The following CENPM variants were observed in gnomAD, a reference collection of about 807,000 sequenced individuals.
The protein encoded by CENPM is centromere protein M.
A neutral mutation model predicts 19.6 loss-of-function variants in CENPM; 14 were observed. The ratio of observed to expected loss-of-function variants is 0.71; its 90% CI spans 0.47 to 1.11. The LOEUF is 1.11. Ranked by LOEUF, CENPM falls within the 50% of genes most tolerant of loss-of-function variation. The pLI is 0.00. For missense variants in CENPM, 239 were observed against 228.4 expected (o/e 1.05, Z -0.30); for synonymous variants, 114 against 101.5 (o/e 1.12, Z -0.74).
Position 41,947,104 on chromosome 22 carries a change from T to C in CENPM, c.-28A>G, listed in dbSNP as rs1465825793. 1.2e-6 allele frequency: 2 copies of C among 1,610,626 alleles called. No homozygotes were observed. Among genetic ancestry groups the C allele is most frequent in the Admixed American group, 1.7e-5 (1 of 59,918 alleles). ...CAGCCGCAGGACCAACCGTTGCTCC[T>C]GCGGTGCGCGCCGATCTTTCAAACC... On this transcript the variant is annotated 5_prime_UTR_variant, in exon 1 of 6. Coordinates refer to ENST00000215980, the MANE Select transcript of CENPM (RefSeq NM_024053.5).
In CENPM at chr22:41,945,310, G is replaced by A. The variant is rs752795287; in HGVS notation, c.231-6C>T. 1 of 1,614,052 alleles carries A rather than the reference G, an allele frequency of 6.2e-7. No individual in the cohort carries two copies. The highest frequency in any genetic ancestry group is 8.5e-7 in the Non-Finnish European group (1 of 1,180,010). On this transcript the variant is annotated splice_region_variant and splice_polypyrimidine_tract_variant and intron_variant, in intron 3 of 5. Transcript: ENST00000215980. ...ACTCCTCTGTGTTCTGGAGACTGGGGTGGCCAGGCCAGGGTGAGAAAACAA... is the reference window on the plus strand; with the variant it reads ...ACTCCTCTGTGTTCTGGAGACTGGGATGGCCAGGCCAGGGTGAGAAAACAA...
At chr22:41,933,531 G>A in the CENPM span, among the ~76,000 whole-genome samples, 1 of 152,104 alleles carries the variant, frequency 6.6e-6, no homozygotes, top group African/African-American at 2.4e-5. Flanking sequence ...GCTGCCTCCT[G>A]TGCAGGTCCG....
chr22:41,928,618 T>A, the CENPM span, among the ~76,000 whole-genome samples: 1 of 151,856 alleles, frequency 6.6e-6, no homozygotes, highest in Admixed American at 6.6e-5. The surrounding 1 kb of genome is among the most constrained non-coding windows in gnomAD (Gnocchi z 4.0). Flanking sequence ...GGCGGAGGGC[T>A]GCAGGGGCTA....
chr22:41,936,922 A>G (rs2077686431), downstream of CENPM, among the ~76,000 whole-genome samples: 1 of 151,956 alleles, frequency 6.6e-6, no homozygotes, highest in Non-Finnish European at 1.5e-5. Context: ...GCAAGACTCC[A>G]CACCCCACCA....
downstream of CENPM, among the ~76,000 whole-genome samples, chr22:41,936,874 T>C (rs1303335696): frequency 6.6e-6 from 1 of 151,622 alleles, no homozygotes; most frequent in Non-Finnish European, 1.5e-5. Context: ...CTGCAGTGAG[T>C]TGAGATCACG....
Position 41,938,909 on chromosome 22 carries a change from G to T in CENPM, c.*147C>A. ...TCGCTGCTTCTGCCCAGCTCTCCCT[G>T]CTGCAGCACTGGCACTGCAGGGAAC... On this transcript the variant is annotated 3_prime_UTR_variant, in exon 6 of 6. Coordinates refer to ENST00000215980, the MANE Select transcript of CENPM (RefSeq NM_024053.5). 9.7e-7 allele frequency: 1 copy of T among 1,031,698 alleles called. No individual in the cohort carries two copies. The allele number at this position is 1,031,698 out of a possible 1,614,324, so 63.9% of individuals were successfully genotyped here.
intron 3 of CENPM, 57 bp downstream of exon 3, chr22:41,945,856 G>A: frequency 7.1e-7 from 1 of 1,405,052 alleles, no homozygotes; most frequent in Non-Finnish European, 1.0e-6. Context: ...CACCGTCTCA[G>A]CACAGTCCTG....
At chr22:41,933,574 G>A in the CENPM span, among the ~76,000 whole-genome samples, 1 of 152,144 alleles carries the variant, frequency 6.6e-6, no homozygotes, top group African/African-American at 2.4e-5. Context: ...ACTCTCCCCA[G>A]GGAGCTGCCC....
At chr22:41,928,055 G>A in the CENPM span, 1 of 267,230 alleles carries the variant, frequency 3.7e-6, no homozygotes, top group Non-Finnish European at 7.7e-6. The surrounding 1 kb of genome is among the most constrained non-coding windows in gnomAD (Gnocchi z 4.0). Flanking sequence ...TCCAGGGAGT[G>A]CTGGGACCGA....
intron 2 of CENPM, 40 bp from the exon 3 acceptor site, chr22:41,946,045 C>G: frequency 3.9e-6 from 6 of 1,534,126 alleles, no homozygotes; most frequent in Non-Finnish European, 5.4e-6. Flanking sequence ...ATATCCGTAC[C>G]CCCCTCATAG....
chr22:41,943,741 C>T, intron 4 of CENPM, 40 bp from the exon 5 acceptor site: 1 of 1,573,528 alleles, frequency 6.4e-7, no homozygotes, highest in Non-Finnish European at 8.7e-7. Context: ...CAATCTCTAC[C>T]TTCCTGGCTG....
Position 41,947,002 on chromosome 22 carries a change from A to T in CENPM, c.57+18T>A. On this transcript the variant is annotated intron_variant, in intron 1 of 5. Coordinates refer to ENST00000215980, the MANE Select transcript of CENPM (RefSeq NM_024053.5). ...AGGAGGAAAAACCGGCGGGGGAAGC[A>T]GGGCCGCCTGCACCTACCAAGATGG... 1 of 1,612,012 alleles carries T rather than the reference A, an allele frequency of 6.2e-7. No individual in the cohort carries two copies. Among genetic ancestry groups the T allele is most frequent in the Non-Finnish European group, 8.5e-7 (1 of 1,179,388 alleles).
chr22:41,942,879 G>A lies in CENPM; in HGVS notation c.402+731C>T, dbSNP rs572983996. Among the ~76,000 whole-genome samples, 11 of 152,168 alleles carry A rather than the reference G, an allele frequency of 7.2e-5. No individual in the cohort carries two copies. In the South Asian group the frequency reaches 8.3e-4, roughly 11 times the overall value. ...GAGCCCAGGAGCTCAAGTCTGCAGT[G>A]AGCCATGAGTACACCACTGCAATCC... On this transcript the variant is annotated intron_variant, in intron 5 of 5. Transcript: ENST00000215980.
At chr22:41,946,296 C>G (rs758875999) in intron 2 of CENPM, 121 bp downstream of exon 2, 12 of 846,644 alleles carry the variant, frequency 1.4e-5, no homozygotes, top group Non-Finnish European at 2.3e-5. Context: ...AGCTACGCTG[C>G]ATGCTGGGAG....
At chr22:41,946,154 C>A in intron 2 of CENPM, 149 bp from the exon 3 acceptor site, 1 of 734,100 alleles carries the variant, frequency 1.4e-6, no homozygotes, top group Non-Finnish European at 2.3e-6. Context: ...ACTCCTTGGG[C>A]CAGCACAGAG....
At chr22:41,927,870 G>T in the CENPM span, among the ~76,000 whole-genome samples, 1 of 152,186 alleles carries the variant, frequency 6.6e-6, no homozygotes, top group African/African-American at 2.4e-5. Flanking sequence ...CACTTGTGCT[G>T]ATGGGGGAAG....
chr22:41,939,562 C>T (rs1441796716), intron 5 of CENPM, among the ~76,000 whole-genome samples: 1 of 151,960 alleles, frequency 6.6e-6, no homozygotes, highest in Non-Finnish European at 1.5e-5. Flanking sequence ...GCAGCTCGGG[C>T]CCCAGATGCT....
At chr22:41,935,646 C>T (rs904154013), downstream of CENPM, among the ~76,000 whole-genome samples, 4 of 152,120 alleles carry the variant, frequency 2.6e-5, no homozygotes, top group South Asian at 6.2e-4. Context: ...CTTTTTGCTG[C>T]GGGCGAAGGC....
chr22:41,945,736 G>A (rs940015138), intron 3 of CENPM, among the ~76,000 whole-genome samples, 177 bp downstream of exon 3: 3 of 152,052 alleles, frequency 2.0e-5, no homozygotes, highest in Admixed American at 6.6e-5. Context: ...GTGCCCGGCC[G>A]TTGTGTATTT....
Sources: allele counts gnomAD v4.1 joint callset (sites outside exome capture counted in the v4.1 genomes callset), GRCh38; gene constraint gnomAD v4.1.1; non-coding constraint Gnocchi (gnomAD v3.1); transcripts MANE v1.5; gene names NCBI Gene and HGNC (gene_info 2026-07-23, HGNC 2026-07-21).